The following PLEKHM3 variants were observed in gnomAD, a reference collection of about 807,000 sequenced individuals.
PLEKHM3 encodes the protein pleckstrin homology domain containing M3, also known as pleckstrin homology domain-containing family M member 3.
PLEKHM3 carries 45 observed loss-of-function variants against 81.8 expected under a neutral mutation model. The ratio of observed to expected loss-of-function variants is 0.55; its 90% CI spans 0.43 to 0.71. The LOEUF (loss-of-function observed/expected upper bound fraction) is 0.71. Ranked by LOEUF, PLEKHM3 falls within the 30% of genes least tolerant of loss-of-function variation. The pLI is 0.00. For missense variants in PLEKHM3, 788 were observed against 924.3 expected, an observed-to-expected ratio of 0.85 and a Z score of 1.91; for synonymous variants, 352 against 356.4, an observed-to-expected ratio of 0.99 and a Z score of 0.14.
chr2:207,988,646 T>C (rs991017509), intron 2 of PLEKHM3, among the ~76,000 whole-genome samples: 4 of 152,194 alleles, frequency 2.6e-5, no homozygotes, highest in African/African-American at 4.8e-5. Flanking sequence ...CCTCCTTTTC[T>C]CCATCTTCCA....
At chr2:207,895,321 A>G (rs1688187319) in intron 6 of PLEKHM3, among the ~76,000 whole-genome samples, 1 of 152,198 alleles carries the variant, frequency 6.6e-6, no homozygotes, top group African/African-American at 2.4e-5. Context: ...CCCTGTCAGC[A>G]TATCTGCCTG....
At chr2:207,928,127 A>T (rs1689467890) in intron 5 of PLEKHM3, among the ~76,000 whole-genome samples, 1 of 152,212 alleles carries the variant, frequency 6.6e-6, no homozygotes, top group Admixed American at 6.5e-5. Context: ...AACCCTAAAC[A>T]ATATTTTAAC....
At chr2:207,881,363 G>T (rs568305492) in intron 6 of PLEKHM3, among the ~76,000 whole-genome samples, 1 of 152,234 alleles carries the variant, frequency 6.6e-6, no homozygotes, top group East Asian at 1.9e-4. Flanking sequence ...TGTTAACCTT[G>T]GTGCCATCAT....
At chr2:207,930,265 T>A (rs999424455) in intron 5 of PLEKHM3, among the ~76,000 whole-genome samples, 1 of 151,994 alleles carries the variant, frequency 6.6e-6, no homozygotes, top group Non-Finnish European at 1.5e-5. Context: ...TTGACCAAGT[T>A]TGGGTATTTG....
rs949648445 is a variant in PLEKHM3, at chr2:207,826,303, G to C, written c.*2016C>G. On this transcript the variant is annotated 3_prime_UTR_variant, in exon 8 of 8. Coordinates refer to ENST00000427836, the MANE Select transcript of PLEKHM3 (RefSeq NM_001080475.3). ...AAATATAAATACTGTATTTTACCAA[G>C]AGGAGGAGGAAAGGAGATGATCAAA... 2.3e-4 allele frequency: 35 copies of C among 152,216 alleles called. No homozygotes were observed. The highest frequency in any genetic ancestry group is 2.2e-3 in the Admixed American group (34 of 15,276). The allele number at this position is 152,216 out of a possible 1,614,324, so 9.4% of individuals were successfully genotyped here.
chr2:207,949,632 A>C (rs1382600645), intron 3 of PLEKHM3, among the ~76,000 whole-genome samples: 1 of 152,250 alleles, frequency 6.6e-6, no homozygotes, highest in African/African-American at 2.4e-5. Flanking sequence ...GGATACTGCT[A>C]TTTCCAAAAA....
chr2:207,842,642 A>G (rs2092360829), intron 7 of PLEKHM3, among the ~76,000 whole-genome samples: 1 of 152,204 alleles, frequency 6.6e-6, no homozygotes, highest in Non-Finnish European at 1.5e-5. Flanking sequence ...AGTCCCTTTC[A>G]TTCAGTGAGA....
intron 7 of PLEKHM3, among the ~76,000 whole-genome samples, chr2:207,835,090 G>A (rs911456728): frequency 4.0e-5 from 6 of 151,768 alleles, no homozygotes; most frequent in African/African-American, 9.7e-5. Flanking sequence ...ACAGGCACCC[G>A]TCACCATGCC....
At chr2:207,899,800 C>G (rs1295605353) in intron 6 of PLEKHM3, among the ~76,000 whole-genome samples, 2 of 152,046 alleles carry the variant, frequency 1.3e-5, no homozygotes, top group Non-Finnish European at 2.9e-5. Flanking sequence ...TTAGCTTGCC[C>G]CCATGGAAGA....
At chr2:207,919,677 A>C (rs1689117484) in intron 5 of PLEKHM3, among the ~76,000 whole-genome samples, 1 of 152,158 alleles carries the variant, frequency 6.6e-6, no homozygotes, top group East Asian at 1.9e-4. Context: ...AGTGGTTTGC[A>C]ATGTGAGTGG....
In PLEKHM3 at chr2:207,827,502, A is replaced by C. The variant is rs1474859999; in HGVS notation, c.*817T>G. The C allele has an allele frequency of 2.0e-5, 3 of 152,238 alleles. No homozygotes were observed. Among genetic ancestry groups the C allele is most frequent in the Non-Finnish European group, 4.4e-5 (3 of 68,052 alleles). The allele number at this position is 152,238 out of a possible 1,614,324, so 9.4% of individuals were successfully genotyped here. A position where few individuals can be genotyped will look rare whatever the true frequency, so the allele number is the denominator to read the frequency against. On this transcript the variant is annotated 3_prime_UTR_variant, in exon 8 of 8. Transcript: ENST00000427836. ...GGCACCCGTTGAAAACTGTTAAGAA[A>C]GCCATGTGTACAGCCTGGAAAACAC...
In PLEKHM3 at chr2:207,923,880, C is replaced by CACACACACATAT. The variant is rs1319162543; in HGVS notation, c.1886+7045_1886+7046insATATGTGTGTGT. Among the ~76,000 whole-genome samples, 5 of 56,790 alleles carry CACACACACATAT rather than the reference C, an allele frequency of 8.8e-5. No individual in the cohort carries two copies. The East Asian group carries it at 1.3e-3, about 14-fold the overall frequency. 37.3% of individuals were successfully genotyped at this position (56,790 alleles called of 152,430 possible). A position where few individuals can be genotyped will look rare whatever the true frequency, so the allele number is the denominator to read the frequency against. ...GCACACACACACACACACACACACA[C>CACACACACATAT]ATATATATATATATATATATATATA... On this transcript the variant is annotated intron_variant, in intron 5 of 7. Coordinates refer to ENST00000427836, the MANE Select transcript of PLEKHM3 (RefSeq NM_001080475.3).
At chr2:207,904,562 A>G (rs1688544137) in intron 6 of PLEKHM3, among the ~76,000 whole-genome samples, 1 of 152,246 alleles carries the variant, frequency 6.6e-6, no homozygotes, top group African/African-American at 2.4e-5. Context: ...TTAGGGACTC[A>G]GTCTGAGTAT....
In PLEKHM3 at chr2:207,826,568, C is replaced by T. The variant is rs11679380; in HGVS notation, c.*1751G>A. On this transcript the variant is annotated 3_prime_UTR_variant, in exon 8 of 8. Transcript: ENST00000427836. Reference sequence around the variant, plus strand: ...TGAGCTATTAAGGTGAAATGTGTGGCCTGGGGCCAAAGGAACTGGTGTGGG... The same window carrying T: ...TGAGCTATTAAGGTGAAATGTGTGGTCTGGGGCCAAAGGAACTGGTGTGGG... The T allele has an allele frequency of 0.22, 33,751 of 152,048 alleles. 3,815 individuals carry two copies. The highest frequency in any genetic ancestry group is 0.38 in the East Asian group (1,956 of 5,160). The allele number at this position is 152,048 out of a possible 1,614,324, so 9.4% of individuals were successfully genotyped here. A position where few individuals can be genotyped will look rare whatever the true frequency, so the allele number is the denominator to read the frequency against.
At chr2:207,966,545 T>G (rs1234138140) in intron 3 of PLEKHM3, among the ~76,000 whole-genome samples, 1 of 152,084 alleles carries the variant, frequency 6.6e-6, no homozygotes, top group Non-Finnish European at 1.5e-5. Context: ...TCAATAGATG[T>G]GGATGAGTAT....
chr2:207,840,596 A>G (rs1184751702), intron 7 of PLEKHM3, among the ~76,000 whole-genome samples: 1 of 152,124 alleles, frequency 6.6e-6, no homozygotes, highest in African/African-American at 2.4e-5. Flanking sequence ...GGAGTTGTTC[A>G]TGTAGTTTTT....
rs1559194971 is a variant in PLEKHM3 at position 207,824,301 on chromosome 2, C to T, written c.*4018G>A. 6.6e-6 allele frequency: 1 copy of T among 152,158 alleles called. No homozygotes were observed. The highest frequency in any genetic ancestry group is 1.5e-5 in the Non-Finnish European group (1 of 68,036). 9.4% of individuals were successfully genotyped at this position (152,158 alleles called of 1,614,324 possible). A position where few individuals can be genotyped will look rare whatever the true frequency, so the allele number is the denominator to read the frequency against. Reference sequence around the variant, plus strand: ...AGAAATAAAATGGGCAAAAATTATACACATCTCTATTTACTAGGAGAAGTA... The same window carrying T: ...AGAAATAAAATGGGCAAAAATTATATACATCTCTATTTACTAGGAGAAGTA... On this transcript the variant is annotated 3_prime_UTR_variant, in exon 8 of 8. Transcript: ENST00000427836.
chr2:207,945,236 T>G (rs1448903451), intron 4 of PLEKHM3, among the ~76,000 whole-genome samples: 1 of 152,178 alleles, frequency 6.6e-6, no homozygotes, highest in East Asian at 1.9e-4. Context: ...CACTCCTTCT[T>G]GGCCTCCTTT....
chr2:207,832,871 G>C lies in PLEKHM3; in HGVS notation c.2109-4375C>G, dbSNP rs59975915. On this transcript the variant is annotated intron_variant, in intron 7 of 7. Transcript: ENST00000427836. ...TCATGCCTGTAATCCCAGCACTTTGGGAGGCTGAGGTGGGTGGATCACCTG... is the reference window on the plus strand; with the variant it reads ...TCATGCCTGTAATCCCAGCACTTTGCGAGGCTGAGGTGGGTGGATCACCTG... 5.3e-3 allele frequency among the ~76,000 whole-genome samples: 810 copies of C among 151,808 alleles called. 9 individuals are homozygous for C. Among genetic ancestry groups the C allele is most frequent in the African/African-American group, 0.019 (770 of 41,374 alleles).
Sources: allele counts gnomAD v4.1 joint callset (sites outside exome capture counted in the v4.1 genomes callset), GRCh38; gene constraint gnomAD v4.1.1; transcripts MANE v1.5; gene names NCBI Gene and HGNC (gene_info 2026-07-23, HGNC 2026-07-21).